The following SUGCT variants were observed in gnomAD, a reference collection of about 807,000 sequenced individuals.
SUGCT encodes succinyl-CoA:glutarate CoA-transferase.
Under a neutral mutation model 55.0 loss-of-function variants are expected in SUGCT, and 41 were observed. The observed-to-expected ratio is 0.74, with a 90% CI of 0.58 to 0.97. The LOEUF is 0.97. Ranked by LOEUF, SUGCT falls within the 50% of genes least tolerant of loss-of-function variation. SUGCT has a pLI of 0.00. For synonymous variants in SUGCT, 187 were observed against 200.4 expected (o/e 0.93, Z 0.56); for missense variants, 568 against 547.8 (o/e 1.04, Z -0.37).
At chr7:40,178,246 C>T (rs903038722) in intron 1 of SUGCT, among the ~76,000 whole-genome samples, 12 of 152,032 alleles carry the variant, frequency 7.9e-5, no homozygotes, top group African/African-American at 2.9e-4. Flanking sequence ...ATTTTTCTGC[C>T]TGCTTCCATA....
intron 12 of SUGCT, among the ~76,000 whole-genome samples, chr7:40,564,735 G>A (rs1796032543): frequency 6.6e-6 from 1 of 152,214 alleles, no homozygotes; most frequent in African/African-American, 2.4e-5. Flanking sequence ...TCTTCTAGGA[G>A]GGGCTTGGCC....
intron 12 of SUGCT, among the ~76,000 whole-genome samples, chr7:40,527,209 A>G (rs918700929): frequency 6.6e-6 from 1 of 152,226 alleles, no homozygotes; most frequent in Non-Finnish European, 1.5e-5. Flanking sequence ...AAAGTTTGAA[A>G]TTCTTTTTCA....
chr7:40,452,861 A>C (rs762307119), intron 10 of SUGCT, among the ~76,000 whole-genome samples: 4 of 152,172 alleles, frequency 2.6e-5, no homozygotes, highest in Non-Finnish European at 4.4e-5. Flanking sequence ...ATACCTGGAC[A>C]GAATTGCATG....
the SUGCT span, among the ~76,000 whole-genome samples, chr7:41,015,906 G>T: frequency 1.3e-4 from 20 of 152,122 alleles, no homozygotes; most frequent in Non-Finnish European, 2.5e-4. Context: ...ATGTATGTGT[G>T]TGTGGAAGTA....
chr7:40,513,447 A>G (rs922343352), intron 12 of SUGCT, among the ~76,000 whole-genome samples: 4 of 152,184 alleles, frequency 2.6e-5, no homozygotes, highest in African/African-American at 9.7e-5. Context: ...TTGGCCATTT[A>G]GGATCATAAA....
chr7:40,852,213 T>G (rs6957123), intron 13 of SUGCT, among the ~76,000 whole-genome samples: 33,172 of 152,126 alleles, frequency 0.22, 4,768 homozygotes, highest in East Asian at 0.8. Context: ...AGAAACTCAG[T>G]ATTCTTCTTT....
At chr7:40,286,991 G>A (rs1793391697) in intron 8 of SUGCT, among the ~76,000 whole-genome samples, 1 of 152,122 alleles carries the variant, frequency 6.6e-6, no homozygotes, top group African/African-American at 2.4e-5. Flanking sequence ...CTGACTGGAG[G>A]GTGGTATTGA....
chr7:40,389,255 G>T (rs1265582380), intron 9 of SUGCT, among the ~76,000 whole-genome samples: 1 of 152,074 alleles, frequency 6.6e-6, no homozygotes, highest in Non-Finnish European at 1.5e-5. Context: ...TTTGAGACCA[G>T]CCTGGGCAAT....
chr7:40,327,493 A>G (rs1324251825), intron 9 of SUGCT, among the ~76,000 whole-genome samples: 1 of 152,238 alleles, frequency 6.6e-6, no homozygotes, highest in East Asian at 1.9e-4. Flanking sequence ...AAGGGTAACT[A>G]TTGCACAAAG....
intron 3 of SUGCT, among the ~76,000 whole-genome samples, chr7:40,184,498 A>AT (rs753912610): frequency 3.7e-3 from 528 of 142,522 alleles, no homozygotes; most frequent in African/African-American, 8.0e-3. Context: ...GCCTTATTAA[A>AT]TTTTTTTTTT....
intron 12 of SUGCT, among the ~76,000 whole-genome samples, chr7:40,569,638 T>G (rs1296956854): frequency 1.3e-5 from 2 of 152,124 alleles, no homozygotes; most frequent in Non-Finnish European, 2.9e-5. Flanking sequence ...GACAGATCAT[T>G]GAGAAAATAC....
At chr7:40,397,575 A>G (rs1785808463) in intron 9 of SUGCT, among the ~76,000 whole-genome samples, 1 of 152,196 alleles carries the variant, frequency 6.6e-6, no homozygotes, top group Non-Finnish European at 1.5e-5. Flanking sequence ...AAGGGACATT[A>G]TATCCAGTCT....
At chr7:40,877,499 G>A in the SUGCT span, among the ~76,000 whole-genome samples, 1 of 152,294 alleles carries the variant, frequency 6.6e-6, no homozygotes, top group South Asian at 2.1e-4. Context: ...TGTGAATGGA[G>A]TTTTTCTCAA....
At chr7:40,296,345 A>G (rs1794142617) in intron 8 of SUGCT, among the ~76,000 whole-genome samples, 1 of 152,198 alleles carries the variant, frequency 6.6e-6, no homozygotes, top group African/African-American at 2.4e-5. Context: ...TTATCGCTGG[A>G]TGGCACTGTG....
At chr7:40,565,058 G>A (rs1456485173) in intron 12 of SUGCT, among the ~76,000 whole-genome samples, 2 of 152,172 alleles carry the variant, frequency 1.3e-5, no homozygotes, top group African/African-American at 4.8e-5. Flanking sequence ...AAGTACTGTA[G>A]ATACTAAAAA....
chr7:40,869,175 A>G, the SUGCT span, among the ~76,000 whole-genome samples: 2 of 152,188 alleles, frequency 1.3e-5, no homozygotes, highest in Non-Finnish European at 2.9e-5. Flanking sequence ...TATGGAAGGA[A>G]TTTGTAGATG....
At chr7:40,875,806 G>T in the SUGCT span, among the ~76,000 whole-genome samples, 1 of 152,196 alleles carries the variant, frequency 6.6e-6, no homozygotes, top group African/African-American at 2.4e-5. Flanking sequence ...GATTATTTTA[G>T]AATGAGCATG....
At chr7:40,912,312 G>A in the SUGCT span, among the ~76,000 whole-genome samples, 1 of 152,118 alleles carries the variant, frequency 6.6e-6, no homozygotes, top group African/African-American at 2.4e-5. Context: ...TAATTCAGAT[G>A]ATTTTAGAGG....
At chr7:40,563,166 G>A (rs1009459149) in intron 12 of SUGCT, among the ~76,000 whole-genome samples, 4 of 152,110 alleles carry the variant, frequency 2.6e-5, no homozygotes, top group Non-Finnish European at 5.9e-5. Flanking sequence ...CCCAAAGACA[G>A]GAGCTTGTTG....
Sources: allele counts gnomAD v4.1 joint callset (sites outside exome capture counted in the v4.1 genomes callset), GRCh38; gene constraint gnomAD v4.1.1; transcripts MANE v1.5; gene names NCBI Gene and HGNC (gene_info 2026-07-23, HGNC 2026-07-21).